NLRC4: variants seen among roughly 807,000 people sequenced by gnomAD.
NLRC4 encodes the protein NLR family CARD domain containing 4, also known as NLR family CARD domain-containing protein 4.
A neutral mutation model predicts 79.9 loss-of-function variants in NLRC4; 63 were observed. The ratio of observed to expected loss-of-function variants is 0.79; its 90% CI spans 0.64 to 0.97. The LOEUF (loss-of-function observed/expected upper bound fraction) is 0.97. Ranked by LOEUF, NLRC4 falls within the 50% of genes least tolerant of loss-of-function variation. The pLI, the probability that NLRC4 is intolerant of heterozygous loss-of-function variation, is 0.00. For missense variants in NLRC4, 1,074 were observed against 1,215.2 expected (o/e 0.88, Z 1.73); for synonymous variants, 461 against 456.5 (o/e 1.01, Z -0.12).
In NLRC4 at chr2:32,251,483, A is replaced by G; in HGVS notation, c.381T>C (p.Ile127=). ...FYPLGEDIDI[I]FNLKSTFTEP... Reference sequence around the variant, plus strand: ...CTGTGAAGGTGCTTTTCAAGTTAAAAATAATGTCAATATCTTCACCAAGGG... The same window carrying G: ...CTGTGAAGGTGCTTTTCAAGTTAAAGATAATGTCAATATCTTCACCAAGGG... The change falls in exon 4 of 9, where the codon ATT becomes ATC. Residue 127 remains isoleucine, a synonymous_variant. Transcript: ENST00000402280. The G allele has an allele frequency of 6.2e-7, 1 of 1,614,124 alleles. No homozygotes were observed. The highest frequency in any genetic ancestry group is 8.5e-7 in the Non-Finnish European group (1 of 1,179,986).
rs746204807 is a variant in NLRC4 at position 32,241,111 on chromosome 2, TGTCA to T, written c.2268_2271del (p.Asp757AlafsTer5). The T allele has an allele frequency of 2.8e-5, 45 of 1,605,068 alleles. No individual in the cohort carries two copies. The African/African-American group carries it at 5.6e-4, about 20-fold the overall frequency. On this transcript the variant is annotated frameshift_variant, in exon 5 of 9. Coordinates refer to ENST00000402280, the MANE Select transcript of NLRC4 (RefSeq NM_001199138.2). LOFTEE classifies it high-confidence loss of function. Reference sequence around the variant, plus strand: ...GTAAGGTTCTTCAAGTTACCCAAGCTGTCAGTCAGACCACCTGTCAAAAGAAAAA... The same window carrying T: ...GTAAGGTTCTTCAAGTTACCCAAGCTGTCAGACCACCTGTCAAAAGAAAAA...
chr2:32,230,647 A>G (rs973545845), intron 8 of NLRC4, among the ~76,000 whole-genome samples: 2 of 151,802 alleles, frequency 1.3e-5, no homozygotes, highest in African/African-American at 4.8e-5. Flanking sequence ...AATTTTTTTC[A>G]TACTACATTT....
At chr2:32,260,004 G>A (rs999144439) in intron 1 of NLRC4, among the ~76,000 whole-genome samples, 5 of 152,100 alleles carry the variant, frequency 3.3e-5, no homozygotes, top group South Asian at 2.1e-4. Flanking sequence ...CGAGGTGGGC[G>A]GATCACCTGA....
At position 32,224,765 on chromosome 2, in the gene NLRC4, C is replaced by T; in HGVS notation, c.2783G>A (p.Gly928Asp). The T allele has an allele frequency of 5.8e-6, 9 of 1,544,238 alleles. No individual in the cohort carries two copies. Among genetic ancestry groups the T allele is most frequent in the Non-Finnish European group, 7.9e-6 (9 of 1,146,212 alleles). The change falls in exon 9 of 9, where the codon GGT becomes GAT. Residue 928 changes from glycine to aspartate, a missense_variant and splice_region_variant. Physicochemically the swap from Gly to Asp is moderately conservative, Grantham distance 94 (BLOSUM62 -1). Transcript: ENST00000402280. ...RLTDTEIRILGAFFGKNPLKN... is the reference protein window; with the variant it reads ...RLTDTEIRILDAFFGKNPLKN... ...CAGAGGGTTCTTTCCAAAAAATGCA[C>T]CTGGGTAAAGAAATAAGTATATTAG...
intron 1 of NLRC4, among the ~76,000 whole-genome samples, chr2:32,263,283 CA>C (rs1687395345): frequency 6.6e-6 from 1 of 152,190 alleles, no homozygotes; most frequent in African/African-American, 2.4e-5. Context: ...TATCCCTAGA[CA>C]TGTTACTTAG....
chr2:32,224,849 ACT>A, intron 8 of NLRC4, 84 bp from the exon 9 acceptor site: 1 of 824,058 alleles, frequency 1.2e-6, no homozygotes, highest in Non-Finnish European at 1.8e-6. Flanking sequence ...TATTTTACAT[ACT>A]TTTTTTTCAC....
chr2:32,251,680 G>T, intron 3 of NLRC4, 79 bp from the exon 4 acceptor site: 1 of 960,066 alleles, frequency 1.0e-6, no homozygotes. Flanking sequence ...GATGAACGGG[G>T]GGGTGAGGCT....
At chr2:32,253,593 GC>G (rs1357120465) in intron 2 of NLRC4, among the ~76,000 whole-genome samples, 1 of 152,102 alleles carries the variant, frequency 6.6e-6, no homozygotes, top group African/African-American at 2.4e-5. Context: ...TAGAATAATG[GC>G]AATGGCCTAG....
At position 32,240,750 on chromosome 2, in the gene NLRC4, A is replaced by G. The variant is rs199476294; in HGVS notation, c.2350+283T>C. Among the ~76,000 whole-genome samples the G allele has an allele frequency of 1.1e-3, 165 of 152,318 alleles. No individual in the cohort carries two copies. The highest frequency in any genetic ancestry group is 3.9e-3 in the African/African-American group (162 of 41,572). On this transcript the variant is annotated intron_variant, in intron 5 of 8. Coordinates refer to ENST00000402280, the MANE Select transcript of NLRC4 (RefSeq NM_001199138.2). ...CTATAAACTTTAAAATATTGTTTCTATGCATTAAATAAAAACATAGCCAAT... is the reference window on the plus strand; with the variant it reads ...CTATAAACTTTAAAATATTGTTTCTGTGCATTAAATAAAAACATAGCCAAT...
chr2:32,258,284 G>T (rs1247195792), intron 1 of NLRC4, among the ~76,000 whole-genome samples: 2 of 152,162 alleles, frequency 1.3e-5, no homozygotes, highest in Non-Finnish European at 2.9e-5. Flanking sequence ...CCAGCTGCTT[G>T]TATGTTCTTC....
At chr2:32,232,949 T>C (rs1241829644) in intron 8 of NLRC4, among the ~76,000 whole-genome samples, 1 of 151,482 alleles carries the variant, frequency 6.6e-6, no homozygotes, top group Non-Finnish European at 1.5e-5. Flanking sequence ...GAAGGGAAGG[T>C]CGTTGAAGAG....
intron 1 of NLRC4, among the ~76,000 whole-genome samples, chr2:32,264,465 T>C (rs1458596884): frequency 1.3e-5 from 2 of 150,226 alleles, no homozygotes; most frequent in Non-Finnish European, 3.0e-5. Context: ...GTGAGTTTCC[T>C]TTCTGTAATG....
At chr2:32,253,755 G>A (rs1027711612) in intron 2 of NLRC4, among the ~76,000 whole-genome samples, 4 of 151,674 alleles carry the variant, frequency 2.6e-5, no homozygotes, top group Non-Finnish European at 4.4e-5. Context: ...ACCAGAGGTC[G>A]GGAGTTCGAG....
At chr2:32,241,470 G>A (rs1279646271) in intron 4 of NLRC4, among the ~76,000 whole-genome samples, 1 of 146,574 alleles carries the variant, frequency 6.8e-6, no homozygotes, top group Non-Finnish European at 1.5e-5. Flanking sequence ...TCCACCTCCC[G>A]GGTTCACACC....
At chr2:32,231,304 G>A (rs1300814346) in intron 8 of NLRC4, among the ~76,000 whole-genome samples, 1 of 151,970 alleles carries the variant, frequency 6.6e-6, no homozygotes, top group Non-Finnish European at 1.5e-5. Context: ...ACAGGTATGT[G>A]CCACCACGCC....
In NLRC4 at chr2:32,251,632, C is replaced by A. The variant is rs755769546; in HGVS notation, c.263-31G>T. On this transcript the variant is annotated intron_variant, in intron 3 of 8. Coordinates refer to ENST00000402280, the MANE Select transcript of NLRC4 (RefSeq NM_001199138.2). ...AGAGAAGAGGTGATGTTAAAGAAGA[C>A]CCAATTCTGTGTCTCCTCAAAACCT... 4.1e-6 allele frequency: 6 copies of A among 1,468,796 alleles called. No homozygotes were observed. The South Asian group carries it at 7.9e-5, about 19-fold the overall frequency. 91.0% of individuals were successfully genotyped at this position (1,468,796 alleles called of 1,614,324 possible). A position where few individuals can be genotyped will look rare whatever the true frequency, so the allele number is the denominator to read the frequency against.
chr2:32,229,021 C>G (rs1412743161), intron 8 of NLRC4, among the ~76,000 whole-genome samples: 1 of 152,016 alleles, frequency 6.6e-6, no homozygotes, highest in Non-Finnish European at 1.5e-5. Context: ...CCACCTTGGC[C>G]TCACGAAGTG....
At chr2:32,263,766 A>G (rs1014103259) in intron 1 of NLRC4, among the ~76,000 whole-genome samples, 1 of 152,300 alleles carries the variant, frequency 6.6e-6, no homozygotes, top group Admixed American at 6.5e-5. Context: ...TCTGTTGTTT[A>G]AGCCACCCAG....
chr2:32,261,315 C>CTTTTTTTTTTTTTTTTTTTTTTTTT lies in NLRC4; in HGVS notation c.-119+3422_-119+3423insAAAAAAAAAAAAAAAAAAAAAAAAA, dbSNP rs1558464069. The stretch of plus-strand genomic sequence containing the variant: ...TTTCTTTCGCCTATTAAGCCTCCCC[C>CTTTTTTTTTTTTTTTTTTTTTTTTT]CTTTTGTTTTTTTTTGAGATGGAGC... On this transcript the variant is annotated intron_variant, in intron 1 of 8. Coordinates refer to ENST00000402280, the MANE Select transcript of NLRC4 (RefSeq NM_001199138.2). Among the ~76,000 whole-genome samples the CTTTTTTTTTTTTTTTTTTTTTTTTT allele has an allele frequency of 3.9e-4, 32 of 81,570 alleles. 1 individual carries two copies. Among genetic ancestry groups the CTTTTTTTTTTTTTTTTTTTTTTTTT allele is most frequent in the African/African-American group, 1.4e-3 (30 of 20,758 alleles). 53.5% of individuals were successfully genotyped at this position (81,570 alleles called of 152,430 possible). A position where few individuals can be genotyped will look rare whatever the true frequency, so the allele number is the denominator to read the frequency against.
Sources: allele counts gnomAD v4.1 joint callset (sites outside exome capture counted in the v4.1 genomes callset), GRCh38; gene constraint gnomAD v4.1.1; transcripts MANE v1.5; gene names NCBI Gene and HGNC (gene_info 2026-07-23, HGNC 2026-07-21).